The following CLYBL variants were observed in gnomAD, a reference collection of about 807,000 sequenced individuals.
CLYBL encodes the protein citramalyl-CoA lyase.
Under a neutral mutation model 38.9 loss-of-function variants are expected in CLYBL, and 31 were observed. That is an observed-to-expected ratio of 0.80 (90% CI 0.60 to 1.08). The LOEUF is 1.08. Among genes scored for constraint, CLYBL ranks in the 50% least tolerant of loss-of-function variants. The pLI, the probability that CLYBL is intolerant of heterozygous loss-of-function variation, is 0.00. For missense variants in CLYBL, 434 were observed against 411.6 expected, an observed-to-expected ratio of 1.05 and a Z score of -0.47; for synonymous variants, 171 against 158.6, an observed-to-expected ratio of 1.08 and a Z score of -0.59.
In CLYBL at chr13:99,686,019, G is replaced by A. The variant is rs189940307; in HGVS notation, c.62+79262G>A. On this transcript the variant is annotated intron_variant, in intron 1 of 8. Transcript: ENST00000339105. ...TCTCCTGCGTCCCTGTGATAAGAGT[G>A]CTGTGATTCCTGCTATACAGTCAAA... 1.4e-4 allele frequency among the ~76,000 whole-genome samples: 22 copies of A among 152,258 alleles called. No individual in the cohort carries two copies. The East Asian group carries it at 4.2e-3, about 29-fold the overall frequency.
chr13:99,734,969 G>T (rs1343478715), intron 1 of CLYBL, among the ~76,000 whole-genome samples: 12 of 152,086 alleles, frequency 7.9e-5, no homozygotes. Context: ...GTGGAAATTT[G>T]TGTTCTCACT....
At chr13:99,872,901 T>C (rs2057488) in intron 7 of CLYBL, among the ~76,000 whole-genome samples, 57,244 of 151,656 alleles carry the variant, frequency 0.38, 13,376 homozygotes, top group African/African-American at 0.66. Context: ...CCCAAAGTTT[T>C]CACACCTTTT....
chr13:99,750,775 C>A (rs1157745340), intron 1 of CLYBL, among the ~76,000 whole-genome samples: 1 of 150,724 alleles, frequency 6.6e-6, no homozygotes, highest in East Asian at 1.9e-4. Flanking sequence ...TAAGAACTTA[C>A]TTAAATTTAT....
At chr13:99,754,416 C>CAAAAAAAAAAAAAAAA (rs1172376194) in intron 1 of CLYBL, among the ~76,000 whole-genome samples, 5 of 71,884 alleles carry the variant, frequency 7.0e-5, no homozygotes, top group African/African-American at 1.7e-4. Context: ...GACCCTGTCT[C>CAAAAAAAAAAAAAAAA]AAAAAAAAAA....
chr13:99,827,921 A>G (rs2050727799), intron 2 of CLYBL, among the ~76,000 whole-genome samples: 1 of 152,164 alleles, frequency 6.6e-6, no homozygotes, highest in African/African-American at 2.4e-5. Flanking sequence ...CATGAATCAA[A>G]TCCATGTGTT....
At chr13:99,822,414 G>A (rs1333411271) in intron 2 of CLYBL, among the ~76,000 whole-genome samples, 2 of 152,176 alleles carry the variant, frequency 1.3e-5, no homozygotes, top group Non-Finnish European at 2.9e-5. Context: ...TCAGAAGTAA[G>A]GCTGAGACTG....
intron 7 of CLYBL, among the ~76,000 whole-genome samples, chr13:99,877,381 A>G (rs2139283194): frequency 6.6e-6 from 1 of 151,094 alleles, no homozygotes; most frequent in East Asian, 1.9e-4. Flanking sequence ...TTTCTGTTCC[A>G]CCCTCATTTT....
intron 2 of CLYBL, among the ~76,000 whole-genome samples, chr13:99,829,475 C>T (rs1193207499): frequency 1.3e-5 from 2 of 152,172 alleles, no homozygotes; most frequent in Non-Finnish European, 2.9e-5. Context: ...GGTGGCTTTA[C>T]TCTTCCCAAG....
Position 99,809,224 on chromosome 13 carries a change from A to G in CLYBL, c.249+36214A>G, listed in dbSNP as rs985923416. The stretch of plus-strand genomic sequence containing the variant: ...ATAATTTAACAAATAAATTATGGGG[A>G]GTATTATTTATTTTAATCGTCCTGT... On this transcript the variant is annotated intron_variant, in intron 2 of 8. Coordinates refer to ENST00000339105, the MANE Select transcript of CLYBL (RefSeq NM_206808.5). 9.2e-5 allele frequency among the ~76,000 whole-genome samples: 14 copies of G among 152,178 alleles called. No individual in the cohort carries two copies. The East Asian group carries it at 2.7e-3, about 29-fold the overall frequency.
intron 5 of CLYBL, 36 bp from the exon 6 acceptor site, chr13:99,866,204 T>A: frequency 6.2e-7 from 1 of 1,607,098 alleles, no homozygotes; most frequent in South Asian, 1.1e-5. Flanking sequence ...TTTCCAAAGT[T>A]AAAGCCTCCT....
intron 2 of CLYBL, among the ~76,000 whole-genome samples, chr13:99,798,802 T>C (rs2050072307): frequency 6.6e-6 from 1 of 152,352 alleles, no homozygotes; most frequent in Non-Finnish European, 1.5e-5. Context: ...AGACATAAAT[T>C]GTACCTCAGC....
At chr13:99,648,785 C>CT (rs2047211785) in intron 1 of CLYBL, among the ~76,000 whole-genome samples, 1 of 152,040 alleles carries the variant, frequency 6.6e-6, no homozygotes, top group African/African-American at 2.4e-5. Flanking sequence ...CCTAGTGTCA[C>CT]TAGTATTTTT....
At chr13:99,822,132 C>T (rs1451827469) in intron 2 of CLYBL, among the ~76,000 whole-genome samples, 1 of 152,218 alleles carries the variant, frequency 6.6e-6, no homozygotes, top group African/African-American at 2.4e-5. Flanking sequence ...ACATAAGTGA[C>T]CCCTGGCGAG....
At chr13:99,875,217 G>A (rs1180464777) in intron 7 of CLYBL, among the ~76,000 whole-genome samples, 2 of 152,160 alleles carry the variant, frequency 1.3e-5, no homozygotes, top group Admixed American at 6.5e-5. Flanking sequence ...ACAACTGTAA[G>A]CATCACGCAA....
intron 1 of CLYBL, among the ~76,000 whole-genome samples, chr13:99,755,187 G>A (rs1449279592): frequency 3.9e-5 from 6 of 152,208 alleles, no homozygotes; most frequent in Admixed American, 6.5e-5. Context: ...GTGAGCCACC[G>A]CGCCCGGCCC....
intron 2 of CLYBL, among the ~76,000 whole-genome samples, chr13:99,814,931 T>C (rs557039175): frequency 6.6e-6 from 1 of 152,100 alleles, no homozygotes; most frequent in South Asian, 2.1e-4. Flanking sequence ...CTCAGGAAGC[T>C]GAGGCAGGAG....
chr13:99,621,858 CT>C (rs1319287244), intron 1 of CLYBL, among the ~76,000 whole-genome samples: 3 of 152,030 alleles, frequency 2.0e-5, no homozygotes, highest in East Asian at 1.9e-4. Flanking sequence ...GCCAAAAAAA[CT>C]GGACACCCTT....
At chr13:99,801,129 A>G (rs2050127532) in intron 2 of CLYBL, among the ~76,000 whole-genome samples, 1 of 152,160 alleles carries the variant, frequency 6.6e-6, no homozygotes, top group Non-Finnish European at 1.5e-5. Context: ...GCTCTTGGCA[A>G]CTGTCACCAG....
At chr13:99,828,788 T>C (rs910506316) in intron 2 of CLYBL, among the ~76,000 whole-genome samples, 7 of 152,216 alleles carry the variant, frequency 4.6e-5, no homozygotes, top group Non-Finnish European at 1.0e-4. Context: ...CATCTTTTTT[T>C]CTTTCTTGCT....
Sources: allele counts gnomAD v4.1 joint callset (sites outside exome capture counted in the v4.1 genomes callset), GRCh38; gene constraint gnomAD v4.1.1; transcripts MANE v1.5; gene names NCBI Gene and HGNC (gene_info 2026-07-23, HGNC 2026-07-21).